The following HMOX2 variants were observed in gnomAD, a reference collection of about 807,000 sequenced individuals.
HMOX2 encodes heme oxygenase 2, also known as heme oxygenase (decycling) 2.
A neutral mutation model predicts 33.7 loss-of-function variants in HMOX2; 30 were observed. The observed-to-expected ratio is 0.89, with a 90% CI of 0.67 to 1.21. The LOEUF (loss-of-function observed/expected upper bound fraction) is 1.21. Ranked by LOEUF, HMOX2 falls within the 50% of genes most tolerant of loss-of-function variation. HMOX2 has a pLI of 0.00. For missense variants in HMOX2, 403 were observed against 399.1 expected (o/e 1.01, Z -0.08); for synonymous variants, 155 against 155.0 (o/e 1.00, Z 0.00).
intron 4 of HMOX2, among the ~76,000 whole-genome samples, chr16:4,508,624 G>C (rs2058754278): frequency 6.6e-6 from 1 of 152,156 alleles, no homozygotes; most frequent in African/African-American, 2.4e-5. Context: ...GCCTTTAGAT[G>C]AGGCTGAACC....
At chr16:4,489,609 C>T (rs929574285) in intron 1 of HMOX2, among the ~76,000 whole-genome samples, 39 of 152,168 alleles carry the variant, frequency 2.6e-4, no homozygotes, top group African/African-American at 9.4e-4. Context: ...CAGGCATGTG[C>T]CACCATGCTT....
At chr16:4,487,843 C>T (rs925133883) in intron 1 of HMOX2, among the ~76,000 whole-genome samples, 3 of 150,266 alleles carry the variant, frequency 2.0e-5, no homozygotes, top group East Asian at 4.0e-4. Context: ...CCCAGCTACT[C>T]GGGAGGCAGA....
chr16:4,475,545 C>G (rs919047217), upstream of HMOX2, among the ~76,000 whole-genome samples: 4 of 151,068 alleles, frequency 2.6e-5, no homozygotes, highest in Non-Finnish European at 5.9e-5. Flanking sequence ...CTGCTGACCT[C>G]AAGTGATCTT....
Position 4,507,951 on chromosome 16 carries a change from T to C in HMOX2, c.443T>C (p.Leu148Pro). The C allele has an allele frequency of 1.2e-6, 2 of 1,613,000 alleles. No individual in the cohort carries two copies. Among genetic ancestry groups the C allele is most frequent in the Non-Finnish European group, 1.7e-6 (2 of 1,179,844 alleles). Reference protein sequence around the residue: ...IHYIGQNEPELLVAHAYTRYM... With the variant: ...IHYIGQNEPEPLVAHAYTRYM... ...TACATAGGGCAGAACGAGCCGGAGC[T>C]ACTGGTGGCCCATGCATACACCCGC... The change falls in exon 4 of 6, where the codon CTA (leucine) becomes CCA (proline). Residue 148 changes from leucine to proline, a missense_variant. By Grantham distance (98) the Leu-to-Pro change is moderately conservative. Coordinates refer to ENST00000570646, the MANE Select transcript of HMOX2 (RefSeq NM_002134.4).
intron 1 of HMOX2, among the ~76,000 whole-genome samples, chr16:4,478,946 G>A (rs1304324726): frequency 2.0e-5 from 3 of 152,134 alleles, no homozygotes; most frequent in Non-Finnish European, 4.4e-5. Flanking sequence ...CCTGAGGTCA[G>A]GAGTTCGAGA....
intron 1 of HMOX2, among the ~76,000 whole-genome samples, chr16:4,501,108 C>G (rs1216479737): frequency 6.6e-6 from 1 of 152,112 alleles, no homozygotes; most frequent in African/African-American, 2.4e-5. Context: ...TTTGCTTGGT[C>G]CAATTCCTGT....
chr16:4,509,853 T>A lies in HMOX2; in HGVS notation c.*97T>A. On this transcript the variant is annotated 3_prime_UTR_variant, in exon 6 of 6. Coordinates refer to ENST00000570646, the MANE Select transcript of HMOX2 (RefSeq NM_002134.4). The stretch of plus-strand genomic sequence containing the variant: ...TAAACTACCACCTCAGGTGACTTTT[T>A]AAAAAATGCTGGGTTTAAGAAAGGC... The A allele has an allele frequency of 1.4e-6, 2 of 1,387,394 alleles. No homozygotes were observed. Among genetic ancestry groups the A allele is most frequent in the Non-Finnish European group, 1.9e-6 (2 of 1,030,740 alleles). 85.9% of individuals were successfully genotyped at this position (1,387,394 alleles called of 1,614,324 possible).
intron 1 of HMOX2, chr16:4,488,594 G>T (rs2058231389): frequency 6.6e-6 from 1 of 152,116 alleles, no homozygotes; most frequent in African/African-American, 2.4e-5. Flanking sequence ...ATGTGGGTTT[G>T]TTACAAAGTT....
intron 1 of HMOX2, among the ~76,000 whole-genome samples, chr16:4,485,482 G>C (rs1391085023): frequency 6.6e-6 from 1 of 152,142 alleles, no homozygotes. Context: ...ACTTTGTAAG[G>C]TTTATGAGAG....
chr16:4,479,130 G>A (rs772409268), intron 1 of HMOX2, among the ~76,000 whole-genome samples: 24 of 152,000 alleles, frequency 1.6e-4, no homozygotes, highest in African/African-American at 1.7e-4. Context: ...CAGCCTGGGC[G>A]ACAAGAGCAA....
In HMOX2 at chr16:4,509,859, A is replaced by T; in HGVS notation, c.*103A>T. 7.3e-7 allele frequency: 1 copy of T among 1,366,924 alleles called. No individual in the cohort carries two copies. The highest frequency in any genetic ancestry group is 2.5e-5 in the East Asian group (1 of 39,660). 84.7% of individuals were successfully genotyped at this position (1,366,924 alleles called of 1,614,324 possible). On this transcript the variant is annotated 3_prime_UTR_variant, in exon 6 of 6. Coordinates refer to ENST00000570646, the MANE Select transcript of HMOX2 (RefSeq NM_002134.4). Reference sequence around the variant, plus strand: ...ACCACCTCAGGTGACTTTTTAAAAAATGCTGGGTTTAAGAAAGGCAACCAA... The same window carrying T: ...ACCACCTCAGGTGACTTTTTAAAAATTGCTGGGTTTAAGAAAGGCAACCAA...
chr16:4,500,630 A>G (rs947890515), intron 1 of HMOX2, among the ~76,000 whole-genome samples: 13 of 152,192 alleles, frequency 8.5e-5, no homozygotes, highest in African/African-American at 3.1e-4. Flanking sequence ...GAATTATAAT[A>G]TAGTCCTTAG....
At chr16:4,483,084 A>G (rs2058071229) in intron 1 of HMOX2, among the ~76,000 whole-genome samples, 1 of 152,010 alleles carries the variant, frequency 6.6e-6, no homozygotes, top group Non-Finnish European at 1.5e-5. Context: ...TGAGGCATGT[A>G]GGAAGAGGCA....
At chr16:4,485,563 G>C (rs2058146779) in intron 1 of HMOX2, among the ~76,000 whole-genome samples, 1 of 152,094 alleles carries the variant, frequency 6.6e-6, no homozygotes, top group Non-Finnish European at 1.5e-5. Flanking sequence ...GAACCCATTA[G>C]GACAGAGGAG....
intron 1 of HMOX2, among the ~76,000 whole-genome samples, chr16:4,498,749 G>A (rs749821268): frequency 4.6e-5 from 7 of 152,204 alleles, no homozygotes; most frequent in Non-Finnish European, 8.8e-5. Flanking sequence ...TTCCCCCAGC[G>A]ATTGAAATGA....
chr16:4,480,646 C>A (rs995449459), intron 1 of HMOX2, among the ~76,000 whole-genome samples: 3 of 140,978 alleles, frequency 2.1e-5, no homozygotes, highest in Admixed American at 2.1e-4. Context: ...GGCTAAGGGC[C>A]TACTATTTTT....
At chr16:4,490,710 G>A (rs548466368) in intron 1 of HMOX2, among the ~76,000 whole-genome samples, 15 of 152,080 alleles carry the variant, frequency 9.9e-5, no homozygotes, top group Non-Finnish European at 1.9e-4. Flanking sequence ...CTGTTTTTTT[G>A]GTGGAAATTC....
intron 1 of HMOX2, among the ~76,000 whole-genome samples, chr16:4,499,704 T>TG (rs1301908131): frequency 6.6e-6 from 1 of 152,198 alleles, no homozygotes. Context: ...GATAAGCATG[T>TG]GAGCTGATGG....
intron 1 of HMOX2, among the ~76,000 whole-genome samples, chr16:4,480,271 C>T (rs2057985400): frequency 6.6e-6 from 1 of 151,600 alleles, no homozygotes; most frequent in Admixed American, 6.6e-5. Context: ...TGGTCTCCAG[C>T]TCCTGACCTC....
Sources: gnomAD v4.1 joint callset for allele counts (sites outside exome capture counted in the v4.1 genomes callset) on GRCh38, gnomAD v4.1.1 for gene constraint, MANE v1.5 for transcripts, NCBI Gene and HGNC (gene_info 2026-07-23, HGNC 2026-07-21) for gene names.